Variants in FREM2 observed in about 807,000 individuals in gnomAD.
The protein encoded by FREM2 is FRAS1-related extracellular matrix protein 2.
A neutral mutation model predicts 219.9 loss-of-function variants in FREM2; 119 were observed. That is an observed-to-expected ratio of 0.54 (90% CI 0.47 to 0.63). The LOEUF is 0.63. Among genes scored for constraint, FREM2 ranks in the 30% least tolerant of loss-of-function variants. FREM2 has a pLI of 0.00. For synonymous variants in FREM2, 1,562 were observed against 1,522.8 expected (o/e 1.03, Z -0.60); for missense variants, 4,030 against 3,993.6 (o/e 1.01, Z -0.25).
chr13:38,778,533 G>A (rs61306015), intron 4 of FREM2, among the ~76,000 whole-genome samples: 10,900 of 152,124 alleles, frequency 0.072, 471 homozygotes, highest in South Asian at 0.18. Context: ...TTGGGGATTA[G>A]GGCTTCAACA....
chr13:38,834,734 G>A (rs1265071438), intron 6 of FREM2, among the ~76,000 whole-genome samples: 1 of 152,164 alleles, frequency 6.6e-6, no homozygotes, highest in African/African-American at 2.4e-5. Context: ...TTTGTTGGCT[G>A]CATAAATGTC....
chr13:38,793,972 A>C (rs1228225566), intron 6 of FREM2, among the ~76,000 whole-genome samples: 1 of 110,810 alleles, frequency 9.0e-6, no homozygotes, highest in Non-Finnish European at 2.4e-5. Context: ...TATTTAAGGC[A>C]TGCTAGTACG....
intron 2 of FREM2, among the ~76,000 whole-genome samples, chr13:38,714,876 A>G (rs1033654796): frequency 6.6e-6 from 1 of 152,060 alleles, no homozygotes; most frequent in Admixed American, 6.6e-5. Flanking sequence ...ACCTGAGGTC[A>G]GGAGTTCGAG....
At chr13:38,704,457 A>G (rs1297146219) in intron 2 of FREM2, among the ~76,000 whole-genome samples, 1 of 152,242 alleles carries the variant, frequency 6.6e-6, no homozygotes, top group Non-Finnish European at 1.5e-5. Context: ...TGAAGCTGCC[A>G]CTAGAGGAAG....
chr13:38,864,600 T>G lies in FREM2; in HGVS notation c.7977T>G (p.Asp2659Glu), dbSNP rs948463921. 1 of 1,613,848 alleles carries G rather than the reference T, an allele frequency of 6.2e-7. No homozygotes were observed. Among genetic ancestry groups the G allele is most frequent in the Admixed American group, 1.7e-5 (1 of 60,028 alleles). Residue 2659 changes from aspartate (D) to glutamate (E), a missense_variant, in exon 16 of 24, where the codon GAT (aspartate) becomes GAG (glutamate). Coordinates refer to ENST00000280481, the MANE Select transcript of FREM2 (RefSeq NM_207361.6). ...ACTGTGGTGGCACCATTGGAACAGA[T>G]GGACAGGTACAGATTTATAACATCT... is the stretch of plus-strand genomic sequence containing the variant. Reference protein sequence around the residue: ...LADCGGTIGTDGQVLNLVQSY... With the variant: ...LADCGGTIGTEGQVLNLVQSY...
At chr13:38,754,978 C>T (rs1872937012) in intron 2 of FREM2, among the ~76,000 whole-genome samples, 1 of 151,564 alleles carries the variant, frequency 6.6e-6, no homozygotes, top group Non-Finnish European at 1.5e-5. Context: ...TCTCAGCTCA[C>T]TGCAACCTCT....
At chr13:38,709,294 A>C (rs1870665974) in intron 2 of FREM2, among the ~76,000 whole-genome samples, 1 of 152,186 alleles carries the variant, frequency 6.6e-6, no homozygotes, top group African/African-American at 2.4e-5. Context: ...AGGGTCAGAC[A>C]TCTCCGCTGT....
Position 38,848,421 on chromosome 13 carries a change from A to T in FREM2, c.6170-40A>T, listed in dbSNP as rs774416895. On this transcript the variant is annotated intron_variant, in intron 7 of 23. Transcript: ENST00000280481. ...TATGTCTTATAATTTTTTGAAATTT[A>T]ATTAGTCCCCAACTGAATATTTTTT... is the stretch of plus-strand genomic sequence containing the variant. 6 of 1,394,234 alleles carry T rather than the reference A, an allele frequency of 4.3e-6. No individual in the cohort carries two copies. In the South Asian group the frequency reaches 5.8e-5, roughly 13 times the overall value. 86.4% of individuals were successfully genotyped at this position (1,394,234 alleles called of 1,614,324 possible). A position where few individuals can be genotyped will look rare whatever the true frequency, so the allele number is the denominator to read the frequency against.
At chr13:38,774,130 T>C (rs1017364807) in intron 4 of FREM2, among the ~76,000 whole-genome samples, 11 of 152,094 alleles carry the variant, frequency 7.2e-5, no homozygotes, top group African/African-American at 2.7e-4. Flanking sequence ...AGTGAACTTA[T>C]CACTGTGACG....
At chr13:38,759,891 A>G (rs970153141) in intron 2 of FREM2, among the ~76,000 whole-genome samples, 4 of 152,232 alleles carry the variant, frequency 2.6e-5, no homozygotes, top group Admixed American at 6.5e-5. Context: ...TAAATAAGGT[A>G]TCTTTCTATT....
At chr13:38,876,655 T>C (rs1299420631) in intron 20 of FREM2, among the ~76,000 whole-genome samples, 2 of 152,218 alleles carry the variant, frequency 1.3e-5, no homozygotes, top group South Asian at 2.1e-4. Context: ...TCCTGAAGTT[T>C]GCTGTCTTGG....
intron 2 of FREM2, 75 bp downstream of exon 2, chr13:38,697,862 C>T: frequency 1.2e-6 from 1 of 831,258 alleles, no homozygotes; most frequent in Non-Finnish European, 2.1e-6. Context: ...GACATTATTA[C>T]AAGAAGTCTT....
Position 38,850,260 on chromosome 13 carries a change from C to T in FREM2, c.6577+25C>T, listed in dbSNP as rs752897255. 3.5e-5 allele frequency: 57 copies of T among 1,608,478 alleles called. 1 individual carries two copies. The Admixed American group carries it at 4.2e-4, about 12-fold the overall frequency. ...GGTAAGCTTGAACTTGAAATTTTTT[C>T]GTGAAATTTGAAGAAGCCGAATTTT... On this transcript the variant is annotated intron_variant, in intron 9 of 23. Transcript: ENST00000280481.
intron 18 of FREM2, among the ~76,000 whole-genome samples, chr13:38,875,259 A>G (rs900324400): frequency 6.6e-5 from 10 of 151,880 alleles, no homozygotes; most frequent in Non-Finnish European, 1.5e-4. Context: ...AAAATAAGCC[A>G]TTTTTCTGCC....
At chr13:38,816,372 A>G (rs140110654) in intron 6 of FREM2, among the ~76,000 whole-genome samples, 293 of 152,316 alleles carry the variant, frequency 1.9e-3, no homozygotes, top group African/African-American at 6.6e-3. Context: ...CATATTAAAC[A>G]AATCATTCAC....
rs757124501 is a variant in FREM2 at position 38,688,472 on chromosome 13, C to T, written c.1128C>T (p.Arg376=). Residue 376 remains arginine (R), a synonymous_variant, in exon 1 of 24, where the codon CGC becomes CGT. Transcript: ENST00000280481. ...GQGYLVSTDD[R]SLPLSSFTQR... is the part of the protein sequence containing the mutation. ...GCTACTTGGTGAGCACCGATGATCG[C>T]AGCCTGCCCCTTTCCTCCTTCACTC... 6.2e-7 allele frequency: 1 copy of T among 1,614,158 alleles called. No homozygotes were observed. Among genetic ancestry groups the T allele is most frequent in the Non-Finnish European group, 8.5e-7 (1 of 1,180,026 alleles).
At chr13:38,831,714 A>G (rs957560674) in intron 6 of FREM2, among the ~76,000 whole-genome samples, 4 of 150,994 alleles carry the variant, frequency 2.6e-5, no homozygotes, top group Non-Finnish European at 5.9e-5. Flanking sequence ...GTTTCAAGCA[A>G]TCCTCCTGCC....
chr13:38,844,547 A>G (rs1387822481), intron 6 of FREM2, among the ~76,000 whole-genome samples: 1 of 152,208 alleles, frequency 6.6e-6, no homozygotes. Context: ...CCCGATGTGT[A>G]GCTTATTTGG....
intron 23 of FREM2, among the ~76,000 whole-genome samples, chr13:38,879,691 A>G (rs1483065704): frequency 6.6e-6 from 1 of 152,238 alleles, no homozygotes; most frequent in Non-Finnish European, 1.5e-5. Context: ...AATCTTTTCA[A>G]ACAAGAAGTT....
Sources: gnomAD v4.1 joint callset for allele counts (sites outside exome capture counted in the v4.1 genomes callset) on GRCh38, gnomAD v4.1.1 for gene constraint, MANE v1.5 for transcripts, NCBI Gene and HGNC (gene_info 2026-07-23, HGNC 2026-07-21) for gene names.